The following PHF20 variants were observed in gnomAD, a reference collection of about 807,000 sequenced individuals.
The protein encoded by PHF20 is glioma-expressed antigen 2.
PHF20 carries 23 observed loss-of-function variants against 113.5 expected under a neutral mutation model. The observed-to-expected ratio is 0.20, with a 90% confidence interval of 0.15 to 0.29. PHF20 has a LOEUF of 0.29. Among genes scored for constraint, PHF20 ranks in the 10% least tolerant of loss-of-function variants. The probability of loss-of-function intolerance (pLI) is 1.00; values close to 1 mark genes in which losing one functional copy is unlikely to be tolerated. For synonymous variants in PHF20, 434 were observed against 457.3 expected, an observed-to-expected ratio of 0.95 and a Z score of 0.65; for missense variants, 943 against 1,219.6, an observed-to-expected ratio of 0.77 and a Z score of 3.38.
chr20:35,913,381 T>C, intron 11 of PHF20, 34 bp downstream of exon 11: 2 of 1,436,940 alleles, frequency 1.4e-6, no homozygotes, highest in African/African-American at 1.4e-5. Context: ...CACTTAGGTT[T>C]CCTTACTATG....
intron 13 of PHF20, 27 bp from the exon 14 acceptor site, chr20:35,927,752 AT>A (rs1307646107): frequency 6.4e-7 from 1 of 1,568,000 alleles, no homozygotes; most frequent in Non-Finnish European, 8.8e-7. Context: ...TCTGAGTTTA[AT>A]TTTTGTTGCT....
chr20:35,849,125 A>C (rs971093940), intron 4 of PHF20, among the ~76,000 whole-genome samples: 3 of 152,184 alleles, frequency 2.0e-5, no homozygotes, highest in Non-Finnish European at 4.4e-5. Flanking sequence ...TTTGGGACTA[A>C]CTGGAAGAGG....
At chr20:35,878,041 G>A (rs1350905556) in intron 9 of PHF20, among the ~76,000 whole-genome samples, 1 of 152,144 alleles carries the variant, frequency 6.6e-6, no homozygotes, top group Non-Finnish European at 1.5e-5. Flanking sequence ...TTAGTGTAAT[G>A]CCTATAGTAT....
intron 2 of PHF20, among the ~76,000 whole-genome samples, chr20:35,822,893 A>ATTCCTGTG: frequency 6.7e-6 from 1 of 149,070 alleles, no homozygotes; most frequent in African/African-American, 2.5e-5. Flanking sequence ...AAGTTCCCAT[A>ATTCCTGTG]TTCCTGTGTT....
rs1278125791 is a variant in PHF20 at position 35,871,800 on chromosome 20, T to G, written c.1253T>G (p.Val418Gly). The G allele has an allele frequency of 6.2e-7, 1 of 1,612,100 alleles. No individual in the cohort carries two copies. The highest frequency in any genetic ancestry group is 8.5e-7 in the Non-Finnish European group (1 of 1,179,036). ...AAAACAGAACCGACTTCTCCCCTTG[T>G]GGAATTACAAGAGATTTCGACTGTG... is the stretch of plus-strand genomic sequence containing the variant. ...TMKTEPTSPL[V>G]ELQEISTVEV... The change falls in exon 9 of 18, where the codon GTG (valine) becomes GGG (glycine). Residue 418 changes from valine (V) to glycine (G), a missense_variant. Around this residue, in one of 3 missense-constraint regions of PHF20, gnomAD observed 592 missense variants for 787.2 expected, o/e 0.75. Coordinates refer to ENST00000374012, the MANE Select transcript of PHF20 (RefSeq NM_016436.5).
chr20:35,877,533 TC>T (rs1468292130), intron 9 of PHF20, among the ~76,000 whole-genome samples: 3 of 151,506 alleles, frequency 2.0e-5, no homozygotes, highest in African/African-American at 7.3e-5. Flanking sequence ...CACTGCAACC[TC>T]CGCCTCCCAG....
intron 2 of PHF20, among the ~76,000 whole-genome samples, chr20:35,814,505 C>T (rs1416009553): frequency 2.6e-5 from 4 of 151,522 alleles, no homozygotes; most frequent in African/African-American, 9.7e-5. Flanking sequence ...GCGTGAACCG[C>T]TGCGCCCGGC....
At chr20:35,836,661 G>A (rs893457078) in intron 2 of PHF20, among the ~76,000 whole-genome samples, 1 of 151,714 alleles carries the variant, frequency 6.6e-6, no homozygotes, top group African/African-American at 2.4e-5. Flanking sequence ...TGGCTAACAC[G>A]GTGAAACCCC....
At chr20:35,772,799 CA>C (rs1448872016) in intron 1 of PHF20, among the ~76,000 whole-genome samples, 1 of 152,092 alleles carries the variant, frequency 6.6e-6, no homozygotes, top group Non-Finnish European at 1.5e-5. Flanking sequence ...ATCTGGGGTC[CA>C]TTAGCTAAAG....
chr20:35,799,291 C>CAAA (rs35210007), intron 1 of PHF20, among the ~76,000 whole-genome samples: 13 of 21,008 alleles, frequency 6.2e-4, no homozygotes, highest in Non-Finnish European at 9.2e-4. Flanking sequence ...ACTCTCTCTG[C>CAAA]AAAAAAAAAA....
rs868506467 is a variant in PHF20, at chr20:35,844,426, T to G, written c.255+1682T>G. The stretch of plus-strand genomic sequence containing the variant: ...CGGTTTTTTTTTTTTGGTTTTTTTT[T>G]TTTTTGATAATGTTGTCCAGCTTTA... On this transcript the variant is annotated intron_variant, in intron 3 of 17. Coordinates refer to ENST00000374012, the MANE Select transcript of PHF20 (RefSeq NM_016436.5). Among the ~76,000 whole-genome samples the G allele has an allele frequency of 5.7e-3, 852 of 150,092 alleles. 22 individuals carry two copies. Among genetic ancestry groups the G allele is most frequent in the African/African-American group, 0.02 (807 of 40,896 alleles).
At chr20:35,874,913 A>G (rs1037896191) in intron 9 of PHF20, among the ~76,000 whole-genome samples, 2 of 152,022 alleles carry the variant, frequency 1.3e-5, no homozygotes, top group African/African-American at 2.4e-5. Flanking sequence ...GCCTTGCATC[A>G]ACATAGTGAG....
chr20:35,871,549 T>C, intron 8 of PHF20, 101 bp from the exon 9 acceptor site: 1 of 926,796 alleles, frequency 1.1e-6, no homozygotes, highest in Non-Finnish European at 1.6e-6. Flanking sequence ...GATTAATTCC[T>C]TCCTCTAAAA....
intron 6 of PHF20, among the ~76,000 whole-genome samples, chr20:35,869,221 G>C (rs893574489): frequency 1.3e-5 from 2 of 152,064 alleles, no homozygotes; most frequent in African/African-American, 4.8e-5. Flanking sequence ...GATTCAGGAG[G>C]TCAATTGGCA....
At chr20:35,930,106 A>G (rs1373594637) in intron 14 of PHF20, among the ~76,000 whole-genome samples, 4 of 152,234 alleles carry the variant, frequency 2.6e-5, no homozygotes, top group African/African-American at 7.2e-5. Context: ...AGGATGGCTG[A>G]AGCCATCCAG....
chr20:35,919,208 G>A (rs1032348677), intron 13 of PHF20, among the ~76,000 whole-genome samples: 7 of 151,672 alleles, frequency 4.6e-5, no homozygotes. Context: ...GTAGAGAAGC[G>A]GTTTCTCCAT....
intron 2 of PHF20, among the ~76,000 whole-genome samples, chr20:35,813,268 C>T (rs200365486): frequency 6.6e-5 from 10 of 152,146 alleles, no homozygotes; most frequent in South Asian, 4.1e-4. Flanking sequence ...CCACCGCGCC[C>T]GGCCCATTTT....
At chr20:35,792,574 C>T (rs1402451881) in intron 1 of PHF20, among the ~76,000 whole-genome samples, 1 of 152,062 alleles carries the variant, frequency 6.6e-6, no homozygotes, top group African/African-American at 2.4e-5. Context: ...CTCCCTCCTT[C>T]CCTACCTTGT....
chr20:35,773,549 G>T (rs1243859701), intron 1 of PHF20, among the ~76,000 whole-genome samples: 1 of 152,052 alleles, frequency 6.6e-6, no homozygotes, highest in East Asian at 1.9e-4. Flanking sequence ...TCTCCTAAAG[G>T]GCTACCAGCA....
Sources: allele counts gnomAD v4.1 joint callset (sites outside exome capture counted in the v4.1 genomes callset), GRCh38; gene constraint gnomAD v4.1.1; regional missense constraint gnomAD v4.1.1; transcripts MANE v1.5; gene names NCBI Gene and HGNC (gene_info 2026-07-23, HGNC 2026-07-21).